MED12L: variants seen among roughly 807,000 people sequenced by gnomAD.
The protein encoded by MED12L is mediator of RNA polymerase II transcription subunit 12-like protein.
MED12L carries 60 observed loss-of-function variants against 281.3 expected under a neutral mutation model. The ratio of observed to expected loss-of-function variants is 0.21; its 90% CI spans 0.17 to 0.26. MED12L has a LOEUF of 0.26. Ranked by LOEUF, MED12L falls within the 10% of genes least tolerant of loss-of-function variation. MED12L has a pLI of 1.00. For missense variants in MED12L, 2,146 were observed against 2,680.9 expected, an observed-to-expected ratio of 0.80 and a Z score of 4.41; for synonymous variants, 974 against 987.2, an observed-to-expected ratio of 0.99 and a Z score of 0.25.
At chr3:151,303,484 C>T (rs1746223622) in intron 16 of MED12L, among the ~76,000 whole-genome samples, 1 of 152,132 alleles carries the variant, frequency 6.6e-6, no homozygotes, top group Non-Finnish European at 1.5e-5. Flanking sequence ...CACAGTCGGC[C>T]ATGCATGGTG....
chr3:151,432,243 T>TGCAGG (rs1719616726), intron 44 of MED12L, among the ~76,000 whole-genome samples: 1 of 152,256 alleles, frequency 6.6e-6, no homozygotes, highest in South Asian at 2.1e-4. Context: ...GGCATGCATG[T>TGCAGG]CTACATAGGC....
At chr3:151,295,165 G>T in intron 16 of MED12L, 3 of 1,612,090 alleles carry the variant, frequency 1.9e-6, no homozygotes, top group Non-Finnish European at 1.7e-6. Context: ...CTGGCCCGTC[G>T]CTCCTGTTGC....
At position 151,188,493 on chromosome 3, in the gene MED12L, A is replaced by C. The variant is rs1723553368; in HGVS notation, c.1753+13A>C. 6.2e-7 allele frequency: 1 copy of C among 1,601,850 alleles called. No individual in the cohort carries two copies. The highest frequency in any genetic ancestry group is 1.7e-5 in the Admixed American group (1 of 57,852). ...GCCCCCTCTTTGTGTAAGTAGAGAA[A>C]ACTCTTTGCCTCTAGATCTTAAATA... On this transcript the variant is annotated intron_variant, in intron 13 of 44. Coordinates refer to ENST00000687756, the MANE Select transcript of MED12L (RefSeq NM_001393769.1).
chr3:151,385,181 A>AT lies in MED12L; in HGVS notation c.5079dup (p.Lys1694Ter). The AT allele has an allele frequency of 6.9e-7, 1 of 1,458,102 alleles. No homozygotes were observed. Among genetic ancestry groups the AT allele is most frequent in the Non-Finnish European group, 9.4e-7 (1 of 1,060,602 alleles). 90.3% of individuals were successfully genotyped at this position (1,458,102 alleles called of 1,614,324 possible). On this transcript the variant is annotated frameshift_variant, in exon 36 of 45. Coordinates refer to ENST00000687756, the MANE Select transcript of MED12L (RefSeq NM_001393769.1). LOFTEE classifies it high-confidence loss of function. ...AAAATTGCTGGATTTGACTCTATAG[A>AT]TAAAAAACAGGCAAGAGTGAATGTT...
chr3:151,311,902 G>A (rs981743558), intron 16 of MED12L, among the ~76,000 whole-genome samples: 1 of 152,136 alleles, frequency 6.6e-6, no homozygotes, highest in South Asian at 2.1e-4. Flanking sequence ...GCAGGCACTT[G>A]TATTTCCAGC....
At chr3:151,196,204 CA>C (rs1398057072) in intron 16 of MED12L, among the ~76,000 whole-genome samples, 1 of 152,198 alleles carries the variant, frequency 6.6e-6, no homozygotes, top group Non-Finnish European at 1.5e-5. Context: ...TTAACTATAA[CA>C]ATTCATGAAA....
intron 16 of MED12L, chr3:151,213,914 C>T (rs770915076): frequency 1.2e-6 from 2 of 1,614,024 alleles, no homozygotes; most frequent in Admixed American, 3.3e-5. Context: ...CTGTAACTCA[C>T]TGACTGGATG....
intron 16 of MED12L, among the ~76,000 whole-genome samples, chr3:151,250,023 A>G (rs151060900): frequency 6.6e-6 from 1 of 152,226 alleles, no homozygotes; most frequent in East Asian, 1.9e-4. Flanking sequence ...AAAACCCTCA[A>G]AGCTCTCCCT....
intron 5 of MED12L, among the ~76,000 whole-genome samples, chr3:151,132,443 G>A (rs956673666): frequency 6.6e-6 from 1 of 152,138 alleles, no homozygotes; most frequent in Admixed American, 6.5e-5. Context: ...TTTGTAGACT[G>A]TCCATTGATT....
intron 16 of MED12L, among the ~76,000 whole-genome samples, chr3:151,235,226 G>T (rs1732488817): frequency 6.6e-6 from 1 of 152,306 alleles, no homozygotes; most frequent in Admixed American, 6.5e-5. Context: ...CTCTGAGCAG[G>T]TGCATGTTTT....
chr3:151,237,355 T>TTTTC lies in MED12L; in HGVS notation c.2250+43692_2250+43693insCTTT, dbSNP rs1456518867. Among the ~76,000 whole-genome samples, 70 of 128,908 alleles carry TTTTC rather than the reference T, an allele frequency of 5.4e-4. 1 individual carries two copies. Among genetic ancestry groups the TTTTC allele is most frequent in the Non-Finnish European group, 5.2e-4 (33 of 62,972 alleles). The allele number at this position is 128,908 out of a possible 152,430, so 84.6% of individuals were successfully genotyped here. On this transcript the variant is annotated intron_variant, in intron 16 of 44. Transcript: ENST00000687756. ...GCCTGGCTTTTTTTTTTTTTCTTTT[T>TTTTC]TTTTTTTTTTTGAGACAGAGTCTTA...
At chr3:151,365,770 A>T in intron 22 of MED12L, 80 bp from the exon 23 acceptor site, 1 of 1,221,740 alleles carries the variant, frequency 8.2e-7, no homozygotes, top group Non-Finnish European at 1.1e-6. Context: ...TTAGTGAAAT[A>T]TATGTTAATT....
At chr3:151,327,815 A>G (rs1285484896) in intron 16 of MED12L, 5 of 451,262 alleles carry the variant, frequency 1.1e-5, no homozygotes, top group Admixed American at 7.6e-5. Context: ...GTAATGGTTC[A>G]TTCAGCTTAT....
At chr3:151,147,942 CCTA>C (rs1398633565) in intron 5 of MED12L, among the ~76,000 whole-genome samples, 10 of 152,192 alleles carry the variant, frequency 6.6e-5, no homozygotes, top group African/African-American at 2.4e-4. Flanking sequence ...GTGGAACTAT[CCTA>C]CTGTTTTCCA....
chr3:151,383,743 C>A, intron 33 of MED12L, 36 bp from the exon 34 acceptor site: 1 of 1,394,916 alleles, frequency 7.2e-7, no homozygotes, highest in Non-Finnish European at 1.0e-6. Context: ...TTCTGTTTTA[C>A]AGAATGCAAA....
At position 151,128,126 on chromosome 3, in the gene MED12L, C is replaced by A. The variant is rs796784154; in HGVS notation, c.556+142C>A. On this transcript the variant is annotated intron_variant, in intron 5 of 44. Coordinates refer to ENST00000687756, the MANE Select transcript of MED12L (RefSeq NM_001393769.1). Reference sequence around the variant, plus strand: ...CTGATTTGCTCGGGTATGGATAGGGCAGCTGTTCCTAGTTCACTCAGTCTC... The same window carrying A: ...CTGATTTGCTCGGGTATGGATAGGGAAGCTGTTCCTAGTTCACTCAGTCTC... 18 of 664,926 alleles carry A rather than the reference C, an allele frequency of 2.7e-5. No individual in the cohort carries two copies. In the African/African-American group the frequency reaches 3.3e-4, roughly 12 times the overall value. 41.2% of individuals were successfully genotyped at this position (664,926 alleles called of 1,614,324 possible).
chr3:151,270,640 A>C (rs1281158730), intron 16 of MED12L, among the ~76,000 whole-genome samples: 1 of 152,188 alleles, frequency 6.6e-6, no homozygotes, highest in Non-Finnish European at 1.5e-5. Flanking sequence ...AGACAAAACA[A>C]AAAATGGGAC....
At chr3:151,190,218 C>G (rs1228110780) in intron 13 of MED12L, among the ~76,000 whole-genome samples, 1 of 150,880 alleles carries the variant, frequency 6.6e-6, no homozygotes, top group Non-Finnish European at 1.5e-5. Context: ...GTCGCCTAGG[C>G]TGGGGTACAG....
chr3:151,104,799 C>T (rs1029595340), intron 2 of MED12L, among the ~76,000 whole-genome samples: 1 of 152,212 alleles, frequency 6.6e-6, no homozygotes, highest in Non-Finnish European at 1.5e-5. Context: ...CCTTCTTTGC[C>T]TCCTCCAGCT....
Sources: gnomAD v4.1 joint callset for allele counts (sites outside exome capture counted in the v4.1 genomes callset) on GRCh38, gnomAD v4.1.1 for gene constraint, MANE v1.5 for transcripts, NCBI Gene and HGNC (gene_info 2026-07-23, HGNC 2026-07-21) for gene names.